The following ENPP1 variants were observed in gnomAD, a reference collection of about 807,000 sequenced individuals.
ENPP1 encodes ectonucleotide pyrophosphatase/phosphodiesterase 1, also known as ectonucleotide pyrophosphatase/phosphodiesterase family member 1.
In ENPP1, 73 loss-of-function variants were observed where a neutral mutation model predicts 122.8. That is an observed-to-expected ratio of 0.59 (90% CI 0.49 to 0.72). The LOEUF (loss-of-function observed/expected upper bound fraction) is 0.72, where lower values mean the gene tolerates loss of function less well. Among genes scored for constraint, ENPP1 ranks in the 30% least tolerant of loss-of-function variants. ENPP1 has a pLI of 0.00. For synonymous variants in ENPP1, 367 were observed against 391.6 expected (o/e 0.94, Z 0.74); for missense variants, 978 against 1,128.1 (o/e 0.87, Z 1.91).
intron 1 of ENPP1, chr6:131,828,291 C>T: frequency 1.9e-6 from 1 of 531,448 alleles, no homozygotes; most frequent in Non-Finnish European, 3.7e-6. Flanking sequence ...TGGAGAGCTC[C>T]AGCCAGCATG....
rs188509861 is a variant in ENPP1 at position 131,847,808 on chromosome 6, T to C, written c.273T>C (p.Leu91=). 6.2e-7 allele frequency: 1 copy of C among 1,612,286 alleles called. No homozygotes were observed. The highest frequency in any genetic ancestry group is 8.5e-7 in the Non-Finnish European group (1 of 1,179,604). Residue 91 remains leucine, a synonymous_variant, in exon 2 of 25, where the codon CTT becomes CTC. Coordinates refer to ENST00000647893, the MANE Select transcript of ENPP1 (RefSeq NM_006208.3). ...CAGTATGTGTGTTAACAACAATACT[T>C]GGTTGTATATTTGGGTTGAAACCAA... ...VLSVCVLTTI[L]GCIFGLKPSC...
intron 1 of ENPP1, among the ~76,000 whole-genome samples, chr6:131,818,195 A>G (rs1781440457): frequency 6.6e-6 from 1 of 152,066 alleles, no homozygotes; most frequent in South Asian, 2.1e-4. Flanking sequence ...CACTGTGTTG[A>G]CTTTTACACC....
intron 23 of ENPP1, 93 bp from the exon 24 acceptor site, chr6:131,886,469 T>G (rs1782378261): frequency 2.2e-6 from 2 of 925,876 alleles, no homozygotes; most frequent in African/African-American, 3.4e-5. Flanking sequence ...TGAATTTGAT[T>G]TTTATATGTA....
chr6:131,855,124 T>G (rs1781929002), intron 6 of ENPP1, 101 bp downstream of exon 6: 1 of 876,138 alleles, frequency 1.1e-6, no homozygotes, highest in African/African-American at 1.6e-5. Flanking sequence ...CCTAACTGTT[T>G]CACTAAACTT....
At chr6:131,886,931 T>TTA (rs1782386951) in intron 24 of ENPP1, among the ~76,000 whole-genome samples, 1 of 131,990 alleles carries the variant, frequency 7.6e-6, no homozygotes, top group Admixed American at 7.1e-5. Flanking sequence ...TTTTTCTTTT[T>TTA]TTTTTTTTTT....
At chr6:131,823,247 T>A (rs1201393304) in intron 1 of ENPP1, among the ~76,000 whole-genome samples, 2 of 152,228 alleles carry the variant, frequency 1.3e-5, no homozygotes, top group African/African-American at 4.8e-5. Flanking sequence ...TCTCCTTTAA[T>A]GGGTACAGTT....
chr6:131,829,682 T>A (rs940069198), intron 1 of ENPP1, among the ~76,000 whole-genome samples: 3 of 152,160 alleles, frequency 2.0e-5, no homozygotes, highest in African/African-American at 7.2e-5. Context: ...AAACAGGGAA[T>A]GGTAGGACCC....
At chr6:131,813,520 AC>A (rs1781379696) in intron 1 of ENPP1, among the ~76,000 whole-genome samples, 2 of 147,842 alleles carry the variant, frequency 1.4e-5, no homozygotes, top group South Asian at 4.5e-4. Flanking sequence ...ACAGAGCAAG[AC>A]TCTGTCTCAA....
intron 1 of ENPP1, among the ~76,000 whole-genome samples, chr6:131,815,914 T>C (rs187050121): frequency 0.019 from 2,665 of 144,002 alleles, 102 homozygotes; most frequent in African/African-American, 0.066. Flanking sequence ...AGAGACAGGG[T>C]TTTGCCATGT....
intron 1 of ENPP1, among the ~76,000 whole-genome samples, chr6:131,832,067 G>T (rs858338): frequency 0.16 from 24,908 of 151,944 alleles, 2,174 homozygotes; most frequent in Middle Eastern, 0.26. Context: ...TGGCCACTTG[G>T]CAGTTAATTT....
chr6:131,873,194 G>A (rs766073399), intron 15 of ENPP1, 144 bp downstream of exon 15: 54 of 979,396 alleles, frequency 5.5e-5, no homozygotes, highest in Non-Finnish European at 8.4e-5. Flanking sequence ...TCTAATGTCG[G>A]CCTATGGATG....
rs1562188914 is a variant in ENPP1, at chr6:131,891,818, T to TTC, written c.*1313_*1314dup. 1 of 151,538 alleles carries TTC rather than the reference T, an allele frequency of 6.6e-6. No individual in the cohort carries two copies. The highest frequency in any genetic ancestry group is 1.9e-4 in the East Asian group (1 of 5,142). The allele number at this position is 151,538 out of a possible 1,614,324, so 9.4% of individuals were successfully genotyped here. On this transcript the variant is annotated 3_prime_UTR_variant, in exon 25 of 25. Coordinates refer to ENST00000647893, the MANE Select transcript of ENPP1 (RefSeq NM_006208.3). ...GTATATGATATTTTTTTCAGCCTGC[T>TTC]TCTCTCTGTTGTTCAGATTAGGTAA...
At chr6:131,872,135 T>C in intron 14 of ENPP1, 34 bp downstream of exon 14, 1 of 1,432,712 alleles carries the variant, frequency 7.0e-7, no homozygotes, top group Non-Finnish European at 9.8e-7. Flanking sequence ...TCTAGTTATT[T>C]TTACTTTTGT....
At position 131,879,370 on chromosome 6, in the gene ENPP1, TA is replaced by T. The variant is rs931863117; in HGVS notation, c.1946-508del. On this transcript the variant is annotated intron_variant, in intron 19 of 24. Coordinates refer to ENST00000647893, the MANE Select transcript of ENPP1 (RefSeq NM_006208.3). ...TATCTGTAAAATGGGCATATAACCT[TA>T]ATTCATAGGGAAATGTAAAAATTAG... 8.0e-4 allele frequency among the ~76,000 whole-genome samples: 122 copies of T among 152,326 alleles called. 1 individual carries two copies. The highest frequency in any genetic ancestry group is 7.3e-3 in the East Asian group (38 of 5,188).
chr6:131,831,159 A>C (rs1781607462), intron 1 of ENPP1, among the ~76,000 whole-genome samples: 2 of 151,450 alleles, frequency 1.3e-5, no homozygotes, highest in Middle Eastern at 6.9e-3. Flanking sequence ...AGATCAAAAA[A>C]TTTTAAAAAT....
At chr6:131,840,418 G>A (rs1382734971) in intron 1 of ENPP1, among the ~76,000 whole-genome samples, 2 of 152,214 alleles carry the variant, frequency 1.3e-5, no homozygotes, top group African/African-American at 2.4e-5. Flanking sequence ...CTAGGCTGTC[G>A]TACAGTTGAC....
In ENPP1 at chr6:131,894,680, A is replaced by G. The variant is rs181059601; in HGVS notation, c.*4169A>G. On this transcript the variant is annotated 3_prime_UTR_variant, in exon 25 of 25. Coordinates refer to ENST00000647893, the MANE Select transcript of ENPP1 (RefSeq NM_006208.3). ...AAAAAACGTTTCCAAGAATCAGATA[A>G]AAGAGGACAAACCTTAGGGAGAAGA... 3.1e-4 allele frequency: 48 copies of G among 152,426 alleles called. No homozygotes were observed. Among genetic ancestry groups the G allele is most frequent in the African/African-American group, 1.1e-3 (46 of 41,572 alleles). The allele number at this position is 152,426 out of a possible 1,614,324, so 9.4% of individuals were successfully genotyped here.
intron 9 of ENPP1, 69 bp downstream of exon 9, chr6:131,861,773 A>G (rs1488419705): frequency 3.4e-6 from 3 of 888,894 alleles, no homozygotes; most frequent in East Asian, 4.9e-5. Flanking sequence ...TCTCCTTTTT[A>G]TTGAATCCTG....
At chr6:131,814,013 G>T (rs1428733686) in intron 1 of ENPP1, among the ~76,000 whole-genome samples, 2 of 152,190 alleles carry the variant, frequency 1.3e-5, no homozygotes, top group Non-Finnish European at 2.9e-5. Context: ...TTAGGCCAGG[G>T]AAGGTTAAAG....
Sources: allele counts gnomAD v4.1 joint callset (sites outside exome capture counted in the v4.1 genomes callset), GRCh38; gene constraint gnomAD v4.1.1; transcripts MANE v1.5; gene names NCBI Gene and HGNC (gene_info 2026-07-23, HGNC 2026-07-21).